Variants in C8orf34 observed in about 807,000 individuals in gnomAD.
C8orf34 encodes the protein chromosome 8 open reading frame 34, also known as uncharacterized protein C8orf34.
C8orf34 carries 65 observed loss-of-function variants against 68.3 expected under a neutral mutation model. The observed-to-expected ratio is 0.95, with a 90% CI of 0.78 to 1.17. The LOEUF (loss-of-function observed/expected upper bound fraction) is 1.17, where lower values mean the gene tolerates loss of function less well. Ranked by LOEUF, C8orf34 falls within the 50% of genes most tolerant of loss-of-function variation. The pLI, the probability that C8orf34 is intolerant of heterozygous loss-of-function variation, is 0.00. For missense variants in C8orf34, 664 were observed against 655.4 expected (o/e 1.01, Z -0.14); for synonymous variants, 244 against 241.2 (o/e 1.01, Z -0.11).
At chr8:68,616,232 A>C (rs975883940) in intron 7 of C8orf34, among the ~76,000 whole-genome samples, 7 of 151,898 alleles carry the variant, frequency 4.6e-5, no homozygotes, top group Admixed American at 2.6e-4. Context: ...TGATCCTTTC[A>C]AAAAACCAAC....
chr8:68,486,913 A>T (rs1253657674), intron 4 of C8orf34, among the ~76,000 whole-genome samples: 1 of 152,102 alleles, frequency 6.6e-6, no homozygotes, highest in African/African-American at 2.4e-5. Context: ...CTCGTTCCCT[A>T]CAGGGGTTTG....
chr8:68,465,359 T>G (rs1812068004), intron 3 of C8orf34, among the ~76,000 whole-genome samples: 1 of 148,192 alleles, frequency 6.7e-6, no homozygotes, highest in Non-Finnish European at 1.5e-5. Flanking sequence ...GGTGGGACTC[T>G]AAACTAGTTC....
intron 7 of C8orf34, among the ~76,000 whole-genome samples, chr8:68,542,267 G>A (rs769486167): frequency 1.3e-5 from 2 of 152,096 alleles, no homozygotes; most frequent in East Asian, 3.9e-4. Flanking sequence ...GCTTATACAG[G>A]CTATACACTA....
chr8:68,500,950 T>C (rs776451385), intron 5 of C8orf34, among the ~76,000 whole-genome samples: 8 of 152,138 alleles, frequency 5.3e-5, no homozygotes, highest in Non-Finnish European at 1.0e-4. Flanking sequence ...TTGCCATGGC[T>C]GAACACTTCA....
At chr8:68,674,980 G>A (rs568876995) in intron 8 of C8orf34, among the ~76,000 whole-genome samples, 1 of 152,058 alleles carries the variant, frequency 6.6e-6, no homozygotes, top group East Asian at 1.9e-4. Context: ...GAACTTTACA[G>A]GCCAGGAGAC....
intron 7 of C8orf34, among the ~76,000 whole-genome samples, chr8:68,564,047 A>T (rs1816512352): frequency 6.6e-6 from 1 of 152,232 alleles, no homozygotes; most frequent in Non-Finnish European, 1.5e-5. Context: ...GCTATGTTAT[A>T]TAACTATAGA....
At chr8:68,683,220 G>T (rs1475167594) in intron 8 of C8orf34, among the ~76,000 whole-genome samples, 2 of 151,812 alleles carry the variant, frequency 1.3e-5, no homozygotes, top group Non-Finnish European at 2.9e-5. Flanking sequence ...ATAGAATATT[G>T]CTTTGGGAAC....
intron 7 of C8orf34, among the ~76,000 whole-genome samples, chr8:68,547,596 A>G (rs1815926982): frequency 6.6e-6 from 1 of 151,826 alleles, no homozygotes; most frequent in African/African-American, 2.4e-5. Flanking sequence ...TTACAGATGA[A>G]TACCCCTTAT....
chr8:68,502,946 C>A (rs1220286985), intron 5 of C8orf34, among the ~76,000 whole-genome samples: 2 of 152,062 alleles, frequency 1.3e-5, no homozygotes, highest in East Asian at 3.9e-4. Flanking sequence ...TTACAAGGAG[C>A]AGAGGAACGT....
At chr8:68,806,622 A>G (rs1824494904) in intron 12 of C8orf34, among the ~76,000 whole-genome samples, 1 of 152,164 alleles carries the variant, frequency 6.6e-6, no homozygotes, top group Non-Finnish European at 1.5e-5. Context: ...CAGTTTTATC[A>G]TAGTGTGCCT....
chr8:68,665,980 G>A (rs1009555375), intron 8 of C8orf34, among the ~76,000 whole-genome samples: 1 of 152,148 alleles, frequency 6.6e-6, no homozygotes, highest in Non-Finnish European at 1.5e-5. Context: ...CAAATTAATG[G>A]CAAGTGTATG....
At chr8:68,513,312 A>ACACAGG (rs1346461242) in intron 5 of C8orf34, among the ~76,000 whole-genome samples, 2 of 152,342 alleles carry the variant, frequency 1.3e-5, no homozygotes, top group Middle Eastern at 3.4e-3. Context: ...CACAGCACAG[A>ACACAGG]CACAGACAGG....
At chr8:68,525,687 T>A (rs1254871234) in intron 6 of C8orf34, 1 of 663,960 alleles carries the variant, frequency 1.5e-6, no homozygotes. Context: ...CTGGGGCTGA[T>A]CACTCCATAT....
chr8:68,800,816 T>C (rs1404118483), intron 12 of C8orf34, among the ~76,000 whole-genome samples: 1 of 152,170 alleles, frequency 6.6e-6, no homozygotes, highest in East Asian at 1.9e-4. Context: ...CAGAAATAAA[T>C]AAAATTCTAC....
At chr8:68,366,497 T>A (rs1162716643) in intron 1 of C8orf34, among the ~76,000 whole-genome samples, 184 of 147,586 alleles carry the variant, frequency 1.2e-3, no homozygotes, top group African/African-American at 4.5e-3. Flanking sequence ...ACTTCAAACT[T>A]TACTACAAGG....
At chr8:68,436,558 A>G (rs1283038778) in intron 1 of C8orf34, among the ~76,000 whole-genome samples, 1 of 152,132 alleles carries the variant, frequency 6.6e-6, no homozygotes, top group Non-Finnish European at 1.5e-5. Context: ...CCACAGCCTG[A>G]AAAATTCCTT....
At chr8:68,470,603 G>T (rs1245618866) in intron 4 of C8orf34, among the ~76,000 whole-genome samples, 1 of 152,066 alleles carries the variant, frequency 6.6e-6, no homozygotes, top group African/African-American at 2.4e-5. Flanking sequence ...GCAAAATACT[G>T]TAGCCTGAGT....
intron 3 of C8orf34, chr8:68,447,833 A>G (rs1198641865): frequency 1.3e-5 from 2 of 152,208 alleles, no homozygotes; most frequent in African/African-American, 4.8e-5. Flanking sequence ...TTGTAACCAA[A>G]TTGTCCTGCT....
chr8:68,741,698 C>A (rs1284071433), intron 10 of C8orf34, among the ~76,000 whole-genome samples: 2 of 152,078 alleles, frequency 1.3e-5, no homozygotes, highest in Non-Finnish European at 2.9e-5. Flanking sequence ...TTTTTAGCTC[C>A]CACAAATAAG....
Sources: allele counts gnomAD v4.1 joint callset (sites outside exome capture counted in the v4.1 genomes callset), GRCh38; gene constraint gnomAD v4.1.1; transcripts MANE v1.5; gene names NCBI Gene and HGNC (gene_info 2026-07-23, HGNC 2026-07-21).